Variants in GRID1 observed in about 807,000 individuals in gnomAD.
The protein encoded by GRID1 is glutamate receptor ionotropic, delta-1.
GRID1 carries 28 observed loss-of-function variants against 98.0 expected under a neutral mutation model. The observed-to-expected ratio is 0.29, with a 90% CI of 0.21 to 0.39. GRID1 has a LOEUF of 0.39. Ranked by LOEUF, GRID1 falls within the 10% of genes least tolerant of loss-of-function variation. GRID1 has a pLI of 1.00. For synonymous variants in GRID1, 553 were observed against 538.5 expected, an observed-to-expected ratio of 1.03 and a Z score of -0.37; for missense variants, 1,111 against 1,340.5, an observed-to-expected ratio of 0.83 and a Z score of 2.67.
intron 2 of GRID1, among the ~76,000 whole-genome samples, chr10:86,225,351 T>C (rs1017492936): frequency 2.0e-5 from 3 of 152,142 alleles, no homozygotes; most frequent in African/African-American, 7.2e-5. Flanking sequence ...CCTTAAATGG[T>C]TGAGTGTTTT....
chr10:85,927,921 G>A (rs1433173927), intron 4 of GRID1, among the ~76,000 whole-genome samples: 2 of 152,202 alleles, frequency 1.3e-5, no homozygotes, highest in East Asian at 1.9e-4. Context: ...CAATGAGGAC[G>A]ACAGCAGGGT....
At chr10:85,865,908 T>C in intron 6 of GRID1, among the ~76,000 whole-genome samples, 1 of 77,432 alleles carries the variant, frequency 1.3e-5, no homozygotes, top group Non-Finnish European at 2.5e-5. Flanking sequence ...GTTTTACATA[T>C]ATACATATAT....
chr10:85,961,048 CAGTCTCAGG>C (rs1842259807), intron 4 of GRID1, among the ~76,000 whole-genome samples: 1 of 152,016 alleles, frequency 6.6e-6, no homozygotes, highest in African/African-American at 2.4e-5. Context: ...GCTCCAGGGC[CAGTCTCAGG>C]AGTCTCAGAA....
chr10:86,004,184 C>T (rs1842832988), intron 4 of GRID1, among the ~76,000 whole-genome samples: 1 of 152,216 alleles, frequency 6.6e-6, no homozygotes, highest in African/African-American at 2.4e-5. Context: ...GGCCACCTGA[C>T]CCCACATCTG....
At chr10:85,607,955 C>A (rs1448048569) in intron 15 of GRID1, among the ~76,000 whole-genome samples, 2 of 151,946 alleles carry the variant, frequency 1.3e-5, no homozygotes, top group African/African-American at 4.8e-5. Context: ...GTAGCTCGGA[C>A]TACAGTCACA....
intron 4 of GRID1, among the ~76,000 whole-genome samples, chr10:86,024,388 G>A (rs1172214525): frequency 6.6e-6 from 1 of 152,160 alleles, no homozygotes; most frequent in Non-Finnish European, 1.5e-5. Flanking sequence ...GAGTGCAGGG[G>A]CCTCTCTGTC....
chr10:86,364,345 C>T (rs964116294), intron 1 of GRID1, among the ~76,000 whole-genome samples: 1 of 152,218 alleles, frequency 6.6e-6, no homozygotes, highest in Non-Finnish European at 1.5e-5. Context: ...GCACATCCCA[C>T]AGGCTGCCAC....
At chr10:86,088,835 C>G (rs982810461) in intron 4 of GRID1, among the ~76,000 whole-genome samples, 1 of 152,006 alleles carries the variant, frequency 6.6e-6, no homozygotes, top group African/African-American at 2.4e-5. Context: ...TTTCTTTTTG[C>G]CTCATATTTT....
chr10:86,042,918 T>G (rs1361726568), intron 4 of GRID1, among the ~76,000 whole-genome samples: 1 of 151,932 alleles, frequency 6.6e-6, no homozygotes, highest in Non-Finnish European at 1.5e-5. Flanking sequence ...AGACCCCATC[T>G]CTACAAAAAA....
At chr10:85,807,744 G>T (rs942596945) in intron 8 of GRID1, among the ~76,000 whole-genome samples, 2 of 152,094 alleles carry the variant, frequency 1.3e-5, no homozygotes, top group African/African-American at 4.8e-5. Flanking sequence ...TGAAGAAGAT[G>T]AGGATCAGTG....
At chr10:86,053,254 T>A (rs1843525962) in intron 4 of GRID1, among the ~76,000 whole-genome samples, 1 of 152,210 alleles carries the variant, frequency 6.6e-6, no homozygotes, top group Non-Finnish European at 1.5e-5. Context: ...AAACAAAAGT[T>A]ATTTACAAAG....
chr10:86,269,061 G>C (rs1847147016), intron 2 of GRID1, among the ~76,000 whole-genome samples: 1 of 151,256 alleles, frequency 6.6e-6, no homozygotes, highest in Admixed American at 6.6e-5. Context: ...AGTCACGTCT[G>C]TGACCTTGGA....
In GRID1 at chr10:86,366,429, G is replaced by A; in HGVS notation, c.-37C>T. 2 of 1,439,246 alleles carry A rather than the reference G, an allele frequency of 1.4e-6. No homozygotes were observed. The highest frequency in any genetic ancestry group is 1.9e-6 in the Non-Finnish European group (2 of 1,080,710). The allele number at this position is 1,439,246 out of a possible 1,614,324, so 89.2% of individuals were successfully genotyped here. On this transcript the variant is annotated 5_prime_UTR_variant, in exon 1 of 16. Coordinates refer to ENST00000327946, the MANE Select transcript of GRID1 (RefSeq NM_017551.3). The surrounding 1 kb of genome is among the most constrained non-coding windows in gnomAD (Gnocchi z 4.1). ...GCGCGGCTCATCCACCCGGGCCCGG[G>A]GCGAGGCCGAGGGCAGCGCGAAGCG... is the stretch of plus-strand genomic sequence containing the variant.
At chr10:85,694,012 T>A (rs1306784155) in intron 12 of GRID1, among the ~76,000 whole-genome samples, 1 of 152,146 alleles carries the variant, frequency 6.6e-6, no homozygotes, top group Non-Finnish European at 1.5e-5. Context: ...AGAAAATAAA[T>A]ATTTGCAAAA....
At chr10:86,268,813 A>C (rs2132060145) in intron 2 of GRID1, among the ~76,000 whole-genome samples, 1 of 152,282 alleles carries the variant, frequency 6.6e-6, no homozygotes, top group Non-Finnish European at 1.5e-5. Flanking sequence ...CAACATGGTG[A>C]AACCCCATCT....
chr10:86,066,235 T>C (rs1843718386), intron 4 of GRID1, among the ~76,000 whole-genome samples: 1 of 152,078 alleles, frequency 6.6e-6, no homozygotes, highest in Non-Finnish European at 1.5e-5. Context: ...GAGAGACGAA[T>C]TCAGGGATGT....
At chr10:86,184,627 A>T (rs181283392) in intron 3 of GRID1, among the ~76,000 whole-genome samples, 1 of 152,026 alleles carries the variant, frequency 6.6e-6, no homozygotes, top group Non-Finnish European at 1.5e-5. Flanking sequence ...CCAGTGATCT[A>T]TCTCTCTATG....
At chr10:85,747,188 C>A (rs1240306746) in intron 8 of GRID1, among the ~76,000 whole-genome samples, 1 of 152,094 alleles carries the variant, frequency 6.6e-6, no homozygotes, top group African/African-American at 2.4e-5. Flanking sequence ...AAACTCAGAA[C>A]TTCTGAATCA....
intron 8 of GRID1, among the ~76,000 whole-genome samples, chr10:85,769,817 C>G (rs926280227): frequency 6.6e-6 from 1 of 152,250 alleles, no homozygotes; most frequent in African/African-American, 2.4e-5. Context: ...AACAAAGCAG[C>G]AGGGAAGCTC....
Sources: gnomAD v4.1 joint callset for allele counts (sites outside exome capture counted in the v4.1 genomes callset) on GRCh38, gnomAD v4.1.1 for gene constraint, Gnocchi (gnomAD v3.1) non-coding constraint, MANE v1.5 for transcripts, NCBI Gene and HGNC (gene_info 2026-07-23, HGNC 2026-07-21) for gene names.